The following TTN variants were observed in gnomAD, a reference collection of about 807,000 sequenced individuals.
TTN encodes the protein connectin.
In TTN, 1,525 loss-of-function variants were observed where a neutral mutation model predicts 3,223.0. That is an observed-to-expected ratio of 0.47 (90% CI 0.45 to 0.49). The LOEUF (loss-of-function observed/expected upper bound fraction) is 0.49. Ranked by LOEUF, TTN falls within the 20% of genes least tolerant of loss-of-function variation. The probability of loss-of-function intolerance (pLI) is 0.00; values close to 1 mark genes in which losing one functional copy is unlikely to be tolerated. For missense variants in TTN, 40,786 were observed against 43,424.0 expected (o/e 0.94, Z 5.40); for synonymous variants, 14,094 against 15,161.0 (o/e 0.93, Z 5.17).
Position 178,770,504 on chromosome 2 carries a change from G to A in TTN, c.8288C>T (p.Ser2763Phe), listed in dbSNP as rs1231235466. 2 of 1,614,154 alleles carry A rather than the reference G, an allele frequency of 1.2e-6. No individual in the cohort carries two copies. The highest frequency in any genetic ancestry group is 1.1e-5 in the South Asian group (1 of 91,082). ...GATGGCACAGTTTTTAATCCTCAGA[G>A]AGTAAATTGTTCCTTTGACAGAGAT... is the stretch of plus-strand genomic sequence containing the variant. ...YAISVKGTIY[S>F]LRIKNCAIVD... The change falls in exon 35 of 363, where the codon TCT (serine) becomes TTT (phenylalanine). Residue 2763 changes from serine (S) to phenylalanine (F), a missense_variant. Transcript: ENST00000589042.
At chr2:178,747,818 TCATAA>T in intron 47 of TTN, 1 of 1,612,812 alleles carries the variant, frequency 6.2e-7, no homozygotes, top group Non-Finnish European at 8.5e-7. Flanking sequence ...TTGAACTTCT[TCATAA>T]CATTTTTCTT....
rs1471781546 is a variant in TTN at position 178,572,720 on chromosome 2, T to C, written c.73412A>G (p.Asp24471Gly). 1.2e-6 allele frequency: 2 copies of C among 1,613,482 alleles called. No individual in the cohort carries two copies. Among genetic ancestry groups the C allele is most frequent in the South Asian group, 2.2e-5 (2 of 91,068 alleles). The change falls in exon 326 of 363, where the codon GAT becomes GGT. Residue 24471 changes from aspartate to glycine, a missense_variant. Physicochemically the swap from Asp to Gly is moderately conservative, Grantham distance 94 (BLOSUM62 -1). Coordinates refer to ENST00000589042, the MANE Select transcript of TTN (RefSeq NM_001267550.2). ...GCTTGTGGATTCGATGCTAGCTTTATCTAAAGATTCTCCATGGTCCCGGGC... is the reference window on the plus strand; with the variant it reads ...GCTTGTGGATTCGATGCTAGCTTTACCTAAAGATTCTCCATGGTCCCGGGC... ...KWARDHGESL[D>G]KASIESTSSY...
In TTN at chr2:178,561,615, C is replaced by T. The variant is rs1703687594; in HGVS notation, c.84517G>A (p.Val28173Ile). 2 of 1,612,832 alleles carry T rather than the reference C, an allele frequency of 1.2e-6. No individual in the cohort carries two copies. Among genetic ancestry groups the T allele is most frequent in the Non-Finnish European group, 1.7e-6 (2 of 1,179,350 alleles). ...TCATTAACTGGCACTTGCCAGGTTA[C>T]AAGCATGGTAGATTTTGTGGCATGC... ...VVHATKSTML[V>I]TWQVPVNDGG... Residue 28173 changes from valine (V) to isoleucine (I), a missense_variant, in exon 326 of 363, where the codon GTA becomes ATA. By Grantham distance (29) the Val-to-Ile change is conservative. Transcript: ENST00000589042.
Position 178,739,579 on chromosome 2 carries a change from C to G in TTN, c.13654G>C (p.Val4552Leu), listed in dbSNP as rs374214280. 6.2e-7 allele frequency: 1 copy of G among 1,613,808 alleles called. No homozygotes were observed. The highest frequency in any genetic ancestry group is 8.5e-7 in the Non-Finnish European group (1 of 1,179,830). The change falls in exon 48 of 363, where the codon GTC (valine) becomes CTC (leucine). Residue 4552 changes from valine to leucine, a missense_variant. Transcript: ENST00000589042. ...SRVKYLDATP[V>L]TKGVASAVVS... ...ACAGCTGAAGCAACCCCTTTAGTGA[C>G]AGGTGTGGCATCCAAATATTTAACC...
rs763988813 is a variant in TTN at position 178,575,703 on chromosome 2, C to T, written c.70429G>A (p.Ala23477Thr). 7.4e-6 allele frequency: 12 copies of T among 1,613,560 alleles called. No individual in the cohort carries two copies. In the South Asian group the frequency reaches 1.1e-4, roughly 15 times the overall value. Residue 23477 changes from alanine to threonine, a missense_variant, in exon 326 of 363, where the codon GCA becomes ACA. Transcript: ENST00000589042. This position sits in a 1 kb window ranked among gnomAD's most constrained non-coding sequence, Gnocchi z 4.0. The part of the protein sequence containing the change: ...ITNYIVEKRE[A>T]TRKSYSTATT... ...GCTGTGGAATAAGATTTCCGTGTTG[C>T]TTCACGTTTCTCTACAATGTAGTTT...
Position 178,548,374 on chromosome 2 carries a change from A to G in TTN, c.93252T>C (p.Val31084=), listed in dbSNP as rs752693993. Residue 31084 remains valine (V), a synonymous_variant, in exon 339 of 363, where the codon GTT becomes GTC. Transcript: ENST00000589042. This position sits in a 1 kb window ranked among gnomAD's most constrained non-coding sequence, Gnocchi z 4.3. ...IFKVNDLAEG[V]PYYFRVSAVN... is the part of the protein sequence containing the mutation. ...CTGCAGAAACACGGAAATAGTACGG[A>G]ACACCTTCGGCCAGGTCATTGACCT... The G allele has an allele frequency of 6.2e-7, 1 of 1,613,876 alleles. No individual in the cohort carries two copies. Among genetic ancestry groups the G allele is most frequent in the South Asian group, 1.1e-5 (1 of 91,076 alleles).
Position 178,553,698 on chromosome 2 carries a change from A to G in TTN, c.89307T>C (p.Tyr29769=). The change falls in exon 334 of 363, where the codon TAT becomes TAC. Residue 29769 remains tyrosine (Y), a synonymous_variant. Transcript: ENST00000589042. Reference sequence around the variant, plus strand: ...CCTCTCCTTGTCTTATCTCGACAACATACCCAGTAACAGCACTGCCCCCAT... The same window carrying G: ...CCTCTCCTTGTCTTATCTCGACAACGTACCCAGTAACAGCACTGCCCCCAT... ...VYDGGSAVTG[Y]VVEIRQGEEE... 2 of 1,613,838 alleles carry G rather than the reference A, an allele frequency of 1.2e-6. No homozygotes were observed. The highest frequency in any genetic ancestry group is 1.7e-6 in the Non-Finnish European group (2 of 1,179,804).
rs777898768 is a variant in TTN, at chr2:178,679,633, AGGAACAGGTTTCTTCTCTTCT to A, written c.33609_33629del (p.Glu11204_Pro11210del). 1.9e-6 allele frequency: 3 copies of A among 1,611,996 alleles called. No homozygotes were observed. Among genetic ancestry groups the A allele is most frequent in the Non-Finnish European group, 2.5e-6 (3 of 1,179,174 alleles). On this transcript the variant is annotated inframe_deletion, in exon 141 of 363. Coordinates refer to ENST00000589042, the MANE Select transcript of TTN (RefSeq NM_001267550.2). ...GTGGAGCTTCCTTCTTCTTGGGAAC[AGGAACAGGTTTCTTCTCTTCT>A]GGAACAGGTTTCCTGGGTACCTCAG...
Position 178,530,413 on chromosome 2 carries a change from T to G in TTN, c.106202A>C (p.Glu35401Ala). The G allele has an allele frequency of 6.2e-7, 1 of 1,614,012 alleles. No individual in the cohort carries two copies. Among genetic ancestry groups the G allele is most frequent in the Non-Finnish European group, 8.5e-7 (1 of 1,179,874 alleles). ...ETKKSDQKTTESTVTRKTEPK... is the reference protein window; with the variant it reads ...ETKKSDQKTTASTVTRKTEPK... ...TTCAGTTTTTCTGGTTACTGTTGAC[T>G]CAGTGGTTTTCTGATCTGATTTCTT... Residue 35401 changes from glutamate to alanine, a missense_variant, in exon 358 of 363, where the codon GAG becomes GCG. Physicochemically the swap from Glu to Ala is moderately radical, Grantham distance 107. Transcript: ENST00000589042.
chr2:178,603,557 T>G (rs1379264157), intron 282 of TTN, among the ~76,000 whole-genome samples: 2 of 151,970 alleles, frequency 1.3e-5, no homozygotes, highest in East Asian at 3.9e-4. Context: ...TCTAATGAGA[T>G]AGAAATTTAT....
rs886055252 is a variant in TTN, at chr2:178,579,174, C to T, written c.67856G>A (p.Gly22619Glu). ...IVYDCQKSDA[G>E]KYTITLKNVA... is the part of the protein sequence containing the mutation. ...ATTCTTAAGTGTGATTGTGTATTTT[C>T]CAGCATCAGATTTTTGGCAATCGTA... The change falls in exon 320 of 363, where the codon GGA (glycine) becomes GAA (glutamate). Residue 22619 changes from glycine to glutamate, a missense_variant. Gly to Glu is a moderately conservative substitution (Grantham distance 98). Transcript: ENST00000589042. 1.2e-6 allele frequency: 2 copies of T among 1,613,482 alleles called. No homozygotes were observed. The highest frequency in any genetic ancestry group is 8.5e-7 in the Non-Finnish European group (1 of 1,179,582).
chr2:178,636,523 A>C lies in TTN; in HGVS notation c.41204T>G (p.Ile13735Ser). Residue 13735 changes from isoleucine (I) to serine (S), a missense_variant, in exon 225 of 363, where the codon ATT (isoleucine) becomes AGT (serine). Physicochemically the swap from Ile to Ser is moderately radical, Grantham distance 142. Transcript: ENST00000589042. This position sits in a 1 kb window ranked among gnomAD's most constrained non-coding sequence, Gnocchi z 4.3. ...NIRESPKHRF[I>S]ADGKDRKLHI... is the part of the protein sequence containing the mutation. ...CAGCTTTCTGTCTTTACCATCTGCA[A>C]TAAACCTGTGCTTGGGACTCTCACG... The C allele has an allele frequency of 6.2e-7, 1 of 1,613,492 alleles. No individual in the cohort carries two copies. Among genetic ancestry groups the C allele is most frequent in the Non-Finnish European group, 8.5e-7 (1 of 1,179,590 alleles).
At position 178,633,005 on chromosome 2, in the gene TTN, T is replaced by C. The variant is rs181000791; in HGVS notation, c.43126A>G (p.Ile14376Val). The C allele has an allele frequency of 3.7e-6, 6 of 1,613,164 alleles. No individual in the cohort carries two copies. Among genetic ancestry groups the C allele is most frequent in the African/African-American group, 1.3e-5 (1 of 75,010 alleles). ...IIEDGKKHIL[I>V]LHNCQLGMTG... ...ATACCCAGCTGACAGTTATGAAGGATCAGAATATGCTTCTTTCCATCCTCA... is the reference window on the plus strand; with the variant it reads ...ATACCCAGCTGACAGTTATGAAGGACCAGAATATGCTTCTTTCCATCCTCA... Residue 14376 changes from isoleucine to valine, a missense_variant, in exon 234 of 363, where the codon ATC becomes GTC. Physicochemically the swap from Ile to Val is conservative, Grantham distance 29. Coordinates refer to ENST00000589042, the MANE Select transcript of TTN (RefSeq NM_001267550.2).
chr2:178,577,613 T>A lies in TTN; in HGVS notation c.68813A>T (p.Lys22938Met), dbSNP rs2046738934. 3 of 1,606,224 alleles carry A rather than the reference T, an allele frequency of 1.9e-6. No individual in the cohort carries two copies. The highest frequency in any genetic ancestry group is 2.6e-6 in the Non-Finnish European group (3 of 1,176,310). Residue 22938 changes from lysine to methionine, a missense_variant, in exon 323 of 363, where the codon AAG becomes ATG. By Grantham distance (95) the Lys-to-Met change is moderately conservative. Coordinates refer to ENST00000589042, the MANE Select transcript of TTN (RefSeq NM_001267550.2). Reference protein sequence around the residue: ...PSESTETIICKDEYEAPTIVL... With the variant: ...PSESTETIICMDEYEAPTIVL... ...TAAAATGGACCTACCGTATTCATCC[T>A]TGCAAATAATGGTTTCTGTACTTTC...
chr2:178,550,835 AAG>A (rs1468481794), intron 336 of TTN, 130 bp downstream of exon 336: 30 of 781,904 alleles, frequency 3.8e-5, no homozygotes, highest in Admixed American at 6.0e-5. Context: ...GAAAGGTAGA[AAG>A]ACATAATTCA....
chr2:178,710,127 A>T (rs1294561337), intron 98 of TTN, among the ~76,000 whole-genome samples: 1 of 152,192 alleles, frequency 6.6e-6, no homozygotes, highest in Non-Finnish European at 1.5e-5. Flanking sequence ...TCTCAGTATC[A>T]TAGGGAATAT....
Position 178,560,174 on chromosome 2 carries a change from G to C in TTN, c.85958C>G (p.Ser28653Cys). The change falls in exon 326 of 363, where the codon TCT becomes TGT. Residue 28653 changes from serine (S) to cysteine (C), a missense_variant. By Grantham distance (112) the Ser-to-Cys change is moderately radical (BLOSUM62 -1). Coordinates refer to ENST00000589042, the MANE Select transcript of TTN (RefSeq NM_001267550.2). ...IRAEDPVFLP[S>C]PPSKPKIVDS... ...CACAATTTTGGGTTTGGATGGAGGA[G>C]ATGGTAGGAACACTGGATCTTCTGC... is the stretch of plus-strand genomic sequence containing the variant. The C allele has an allele frequency of 6.2e-7, 1 of 1,613,768 alleles. No individual in the cohort carries two copies. The highest frequency in any genetic ancestry group is 1.3e-5 in the African/African-American group (1 of 75,026).
At position 178,704,333 on chromosome 2, in the gene TTN, A is replaced by G; in HGVS notation, c.30037T>C (p.Ser10013Pro). Residue 10013 changes from serine to proline, a missense_variant, in exon 106 of 363, where the codon TCT becomes CCT. Ser to Pro is a moderately conservative substitution (Grantham distance 74, BLOSUM62 -1). Transcript: ENST00000589042. ...CATTCAGATTTTACATTTGGTACAG[A>G]AAATTGGCATGTCATGGTGCAAGTC... ...GQTCTMTCQF[S>P]VPNVKSEWFR... 1 of 1,614,044 alleles carries G rather than the reference A, an allele frequency of 6.2e-7. No individual in the cohort carries two copies. Among genetic ancestry groups the G allele is most frequent in the Non-Finnish European group, 8.5e-7 (1 of 1,179,892 alleles).
chr2:178,578,926 T>G lies in TTN; in HGVS notation c.68104A>C (p.Thr22702Pro), dbSNP rs574172442. The G allele has an allele frequency of 5.0e-6, 8 of 1,613,278 alleles. No homozygotes were observed. The South Asian group carries it at 8.8e-5, about 18-fold the overall frequency. Residue 22702 changes from threonine (T) to proline (P), a missense_variant, in exon 320 of 363, where the codon ACC (threonine) becomes CCC (proline). Physicochemically the swap from Thr to Pro is conservative, Grantham distance 38. Coordinates refer to ENST00000589042, the MANE Select transcript of TTN (RefSeq NM_001267550.2). ...TCATGAAGTCTGGTTACTCTAAAGG[T>G]GGTTTTCTGGACAGCTGAGGCGCAC... ...VTCASAVQKT[T>P]FRVTRLHEGM...
Sources: allele counts gnomAD v4.1 joint callset (sites outside exome capture counted in the v4.1 genomes callset), GRCh38; gene constraint gnomAD v4.1.1; non-coding constraint Gnocchi (gnomAD v3.1); transcripts MANE v1.5; gene names NCBI Gene and HGNC (gene_info 2026-07-23, HGNC 2026-07-21).